Variants in NPAS3 observed in about 807,000 individuals in gnomAD.
NPAS3 encodes the protein neuronal PAS domain protein 3.
In NPAS3, 14 loss-of-function variants were observed where a neutral mutation model predicts 73.1. That is an observed-to-expected ratio of 0.19 (90% CI 0.13 to 0.30). The LOEUF (loss-of-function observed/expected upper bound fraction) is 0.30. Among genes scored for constraint, NPAS3 ranks in the 10% least tolerant of loss-of-function variants. The probability of loss-of-function intolerance (pLI) is 1.00; values close to 1 mark genes in which losing one functional copy is unlikely to be tolerated. For synonymous variants in NPAS3, 620 were observed against 541.5 expected (o/e 1.14, Z -2.01); for missense variants, 1,096 against 1,250.0 (o/e 0.88, Z 1.86).
chr14:32,981,416 G>T (rs909074712), intron 1 of NPAS3, among the ~76,000 whole-genome samples: 13 of 152,266 alleles, frequency 8.5e-5, no homozygotes, highest in Non-Finnish European at 1.3e-4. Flanking sequence ...ATATAGAAAT[G>T]AAATGAATCT....
At chr14:33,208,615 AT>A (rs541831746) in intron 2 of NPAS3, among the ~76,000 whole-genome samples, 45 of 152,136 alleles carry the variant, frequency 3.0e-4, no homozygotes, top group African/African-American at 1.1e-3. Context: ...GTTTTTTGAC[AT>A]TTTTTTAAGC....
At chr14:32,938,688 G>A (rs2035810694), upstream of NPAS3, among the ~76,000 whole-genome samples, 1 of 151,306 alleles carries the variant, frequency 6.6e-6, no homozygotes, top group Non-Finnish European at 1.5e-5. Flanking sequence ...GGGAGGGTGT[G>A]CGCCCCACCT....
intron 3 of NPAS3, among the ~76,000 whole-genome samples, chr14:33,334,832 C>T (rs1026952493): frequency 3.3e-5 from 5 of 152,118 alleles, no homozygotes; most frequent in Admixed American, 2.6e-4. Flanking sequence ...TCGCCATCCC[C>T]CAACCTTTCC....
Position 33,784,740 on chromosome 14 carries a change from TATTTA to T in NPAS3, c.1153+6169_1153+6173del, listed in dbSNP as rs372102743. 9.1e-4 allele frequency among the ~76,000 whole-genome samples: 91 copies of T among 99,694 alleles called. 4 individuals are homozygous for T. The highest frequency in any genetic ancestry group is 1.2e-3 in the Non-Finnish European group (64 of 54,106). The allele number at this position is 99,694 out of a possible 152,430, so 65.4% of individuals were successfully genotyped here. A position where few individuals can be genotyped will look rare whatever the true frequency, so the allele number is the denominator to read the frequency against. ...TGTTATTTTTATTTATTTATTTATT[TATTTA>T]TTTTTTTTTTTTTTTTTTTTTTGAG... On this transcript the variant is annotated intron_variant, in intron 9 of 11. Transcript: ENST00000356141.
At chr14:32,961,221 G>A (rs1229736381) in intron 1 of NPAS3, among the ~76,000 whole-genome samples, 3 of 151,778 alleles carry the variant, frequency 2.0e-5, no homozygotes. Context: ...AGACCATCCT[G>A]GCCAACATGG....
At chr14:33,253,733 A>C (rs1185274621) in intron 3 of NPAS3, among the ~76,000 whole-genome samples, 2 of 151,892 alleles carry the variant, frequency 1.3e-5, no homozygotes, top group East Asian at 3.9e-4. Flanking sequence ...GCATGCCTTG[A>C]CTGGGTGATC....
intron 2 of NPAS3, among the ~76,000 whole-genome samples, chr14:33,148,182 C>T (rs2044316379): frequency 6.6e-6 from 1 of 152,012 alleles, no homozygotes; most frequent in Non-Finnish European, 1.5e-5. Flanking sequence ...ATATTAATTG[C>T]TTTTAGCAAA....
chr14:33,262,388 A>T (rs778724915), intron 3 of NPAS3, among the ~76,000 whole-genome samples: 14 of 152,228 alleles, frequency 9.2e-5, no homozygotes, highest in Non-Finnish European at 1.9e-4. Flanking sequence ...ACACAACCAG[A>T]TGGATTACAT....
chr14:33,451,779 C>T (rs1018218656), intron 4 of NPAS3, among the ~76,000 whole-genome samples: 4 of 152,146 alleles, frequency 2.6e-5, no homozygotes, highest in Admixed American at 6.5e-5. Flanking sequence ...GGATGTAAGT[C>T]TCCTTAAGGC....
At chr14:33,606,091 T>A (rs1006386643) in intron 5 of NPAS3, among the ~76,000 whole-genome samples, 4 of 144,514 alleles carry the variant, frequency 2.8e-5, no homozygotes, top group Non-Finnish European at 6.0e-5. Flanking sequence ...TTATTATTAT[T>A]ATTTAAGTTT....
At chr14:33,321,021 C>A (rs2043420748) in intron 3 of NPAS3, among the ~76,000 whole-genome samples, 1 of 152,080 alleles carries the variant, frequency 6.6e-6, no homozygotes, top group African/African-American at 2.4e-5. Flanking sequence ...CAGAATGATG[C>A]AAAGCACCAC....
At chr14:33,322,163 A>G (rs1456983894) in intron 3 of NPAS3, among the ~76,000 whole-genome samples, 2 of 152,170 alleles carry the variant, frequency 1.3e-5, no homozygotes, top group East Asian at 3.9e-4. Flanking sequence ...TTATTGATCA[A>G]ATTGGACCAA....
intron 6 of NPAS3, among the ~76,000 whole-genome samples, chr14:33,683,119 A>C (rs745443331): frequency 2.6e-5 from 4 of 152,168 alleles, no homozygotes; most frequent in Non-Finnish European, 4.4e-5. Context: ...TACAGCTTTT[A>C]TATAAATTAA....
intron 3 of NPAS3, among the ~76,000 whole-genome samples, chr14:33,322,590 C>G (rs1481338128): frequency 6.6e-6 from 1 of 151,570 alleles, no homozygotes; most frequent in Admixed American, 6.6e-5. Context: ...CATTGACGTT[C>G]CCTCATCCTT....
intron 5 of NPAS3, among the ~76,000 whole-genome samples, chr14:33,628,933 G>A (rs909662915): frequency 4.6e-5 from 7 of 152,214 alleles, no homozygotes; most frequent in African/African-American, 1.7e-4. Flanking sequence ...ATAGTTGATA[G>A]AAAACCAGGT....
At chr14:32,942,751 T>C (rs906085026) in intron 1 of NPAS3, among the ~76,000 whole-genome samples, 1 of 152,188 alleles carries the variant, frequency 6.6e-6, no homozygotes, top group Non-Finnish European at 1.5e-5. Context: ...ATAGGGGTGA[T>C]AAATGATTAT....
chr14:33,565,200 G>T (rs2139783827), intron 5 of NPAS3, among the ~76,000 whole-genome samples: 1 of 152,350 alleles, frequency 6.6e-6, no homozygotes, highest in African/African-American at 2.4e-5. Flanking sequence ...AAGCCATGCA[G>T]ATATATTTGC....
At chr14:33,217,273 T>G (rs1219632665) in intron 3 of NPAS3, among the ~76,000 whole-genome samples, 2 of 152,072 alleles carry the variant, frequency 1.3e-5, no homozygotes, top group African/African-American at 2.4e-5. Context: ...ATTAATGCAA[T>G]TAGAGACAAG....
At chr14:33,153,237 G>A (rs189013852) in intron 2 of NPAS3, among the ~76,000 whole-genome samples, 15 of 151,062 alleles carry the variant, frequency 9.9e-5, no homozygotes, top group South Asian at 4.2e-4. Context: ...CATCTGAGTC[G>A]TATCTTCTGT....
Sources: gnomAD v4.1 joint callset for allele counts (sites outside exome capture counted in the v4.1 genomes callset) on GRCh38, gnomAD v4.1.1 for gene constraint, MANE v1.5 for transcripts, NCBI Gene and HGNC (gene_info 2026-07-23, HGNC 2026-07-21) for gene names.